RAP1GAP2: variants seen among roughly 807,000 people sequenced by gnomAD.
RAP1GAP2 encodes RAP1 GTPase activating protein 2.
A neutral mutation model predicts 95.0 loss-of-function variants in RAP1GAP2; 27 were observed. The ratio of observed to expected loss-of-function variants is 0.28; its 90% CI spans 0.21 to 0.39. The LOEUF (loss-of-function observed/expected upper bound fraction) is 0.39. RAP1GAP2 is among the 10% of genes least tolerant of loss of function. The pLI, the probability that RAP1GAP2 is intolerant of heterozygous loss-of-function variation, is 1.00. For synonymous variants in RAP1GAP2, 373 were observed against 380.9 expected (o/e 0.98, Z 0.24); for missense variants, 771 against 970.0 (o/e 0.79, Z 2.72).
chr17:2,845,481 G>C (rs2071543525), intron 2 of RAP1GAP2, among the ~76,000 whole-genome samples: 1 of 152,172 alleles, frequency 6.6e-6, no homozygotes, highest in Middle Eastern at 3.2e-3. Flanking sequence ...CTTCCATCCT[G>C]ATATAGAACA....
chr17:3,029,256 T>C lies in RAP1GAP2; in HGVS notation c.2108-1666T>C, dbSNP rs2047218985. Among the ~76,000 whole-genome samples, 2 of 152,216 alleles carry C rather than the reference T, an allele frequency of 1.3e-5. No individual in the cohort carries two copies. The highest frequency in any genetic ancestry group is 1.3e-4 in the Admixed American group (2 of 15,284). The stretch of plus-strand genomic sequence containing the variant: ...AAAGGAATTAGAGAGTCTCTGCAGG[T>C]TGCTGAAGGTCACCGAGGGCGGAAG... On this transcript the variant is annotated intron_variant, in intron 22 of 24. Transcript: ENST00000254695. This position sits in a 1 kb window ranked among gnomAD's most constrained non-coding sequence, Gnocchi z 4.4.
At chr17:2,800,404 A>G in intron 1 of RAP1GAP2, 111 bp from the exon 2 acceptor site, 1 of 1,418,156 alleles carries the variant, frequency 7.1e-7, no homozygotes, top group Middle Eastern at 1.8e-4. Flanking sequence ...AGTCCCTGAC[A>G]GAGCCCTGCT....
chr17:2,965,733 A>C lies in RAP1GAP2; in HGVS notation c.596+90A>C, dbSNP rs1412854870. 2 of 963,540 alleles carry C rather than the reference A, an allele frequency of 2.1e-6. No individual in the cohort carries two copies. Among genetic ancestry groups the C allele is most frequent in the African/African-American group, 3.2e-5 (2 of 62,080 alleles). 59.7% of individuals were successfully genotyped at this position (963,540 alleles called of 1,614,324 possible). ...GGCTGGGATGGGACTCAGAAATACC[A>C]GACTGACCAGTCTGGTCTGGGTGCA... On this transcript the variant is annotated intron_variant, in intron 8 of 24. Transcript: ENST00000254695. The surrounding 1 kb of genome is among the most constrained non-coding windows in gnomAD (Gnocchi z 4.7).
chr17:2,809,939 C>A (rs550786638), intron 2 of RAP1GAP2, among the ~76,000 whole-genome samples: 70 of 152,198 alleles, frequency 4.6e-4, no homozygotes, highest in African/African-American at 1.6e-3. Context: ...CCGCTGGCTC[C>A]TCTGGGGCAG....
At chr17:2,758,875 G>A (rs1321298298) in intron 1 of RAP1GAP2, among the ~76,000 whole-genome samples, 1 of 152,194 alleles carries the variant, frequency 6.6e-6, no homozygotes, top group East Asian at 1.9e-4. Flanking sequence ...TGAGGCTGGA[G>A]TGCAGTGGCG....
chr17:2,765,182 C>G (rs2068250566), intron 1 of RAP1GAP2, among the ~76,000 whole-genome samples: 1 of 152,128 alleles, frequency 6.6e-6, no homozygotes, highest in African/African-American at 2.4e-5. Context: ...TCAAAGCTGT[C>G]CTCATCCAGT....
chr17:2,899,308 G>C (rs942891473), intron 2 of RAP1GAP2, among the ~76,000 whole-genome samples: 1 of 152,090 alleles, frequency 6.6e-6, no homozygotes, highest in Non-Finnish European at 1.5e-5. Flanking sequence ...GGGAGCTTCC[G>C]CTATTCTCCT....
intron 2 of RAP1GAP2, among the ~76,000 whole-genome samples, chr17:2,818,680 T>A (rs1204207325): frequency 6.6e-6 from 1 of 152,046 alleles, no homozygotes; most frequent in African/African-American, 2.4e-5. Context: ...CTAGAAACAT[T>A]TATAGTTTTT....
intron 1 of RAP1GAP2, among the ~76,000 whole-genome samples, chr17:2,780,301 C>T (rs576257616): frequency 0.14 from 21,866 of 152,206 alleles, 1,815 homozygotes; most frequent in East Asian, 0.33. Context: ...TCCGCCCGCC[C>T]TGGCCTCCCA....
At chr17:2,935,918 C>T (rs2151421488) in intron 3 of RAP1GAP2, among the ~76,000 whole-genome samples, 1 of 152,230 alleles carries the variant, frequency 6.6e-6, no homozygotes, top group East Asian at 1.9e-4. Flanking sequence ...GGGTTTGCTC[C>T]AGCCGGGGTA....
intron 2 of RAP1GAP2, among the ~76,000 whole-genome samples, chr17:2,834,471 C>T (rs577841978): frequency 2.9e-4 from 44 of 152,254 alleles, no homozygotes; most frequent in African/African-American, 1.0e-3. Flanking sequence ...CTGTCACCTA[C>T]ACCCACCTCC....
intron 2 of RAP1GAP2, among the ~76,000 whole-genome samples, chr17:2,884,527 T>C (rs1165594185): frequency 6.6e-6 from 1 of 151,846 alleles, no homozygotes; most frequent in Non-Finnish European, 1.5e-5. Flanking sequence ...CGTGCACCAC[T>C]ATGCCTGGCT....
rs1457479174 is a variant in RAP1GAP2 at position 2,827,038 on chromosome 17, G to A, written c.80+26488G>A. ...GAGAGGAGAGAAAGAAAGAAAGAGA[G>A]AGAGAAAGAAAGAAAGAGAAAGTCC... is the stretch of plus-strand genomic sequence containing the variant. On this transcript the variant is annotated intron_variant, in intron 2 of 24. Coordinates refer to ENST00000254695, the MANE Select transcript of RAP1GAP2 (RefSeq NM_015085.5). The surrounding 1 kb of genome is among the most constrained non-coding windows in gnomAD (Gnocchi z 4.1). Among the ~76,000 whole-genome samples, 1 of 146,206 alleles carries A rather than the reference G, an allele frequency of 6.8e-6. No individual in the cohort carries two copies. Among genetic ancestry groups the A allele is most frequent in the Non-Finnish European group, 1.5e-5 (1 of 67,968 alleles).
At chr17:2,868,622 A>G (rs562960841) in intron 2 of RAP1GAP2, among the ~76,000 whole-genome samples, 74 of 149,800 alleles carry the variant, frequency 4.9e-4, no homozygotes, top group Non-Finnish European at 9.4e-4. Context: ...GGTTCAAGCT[A>G]TTCTCTTGCC....
Position 3,005,563 on chromosome 17 carries a change from T to C in RAP1GAP2, c.1272+123T>C. Reference sequence around the variant, plus strand: ...CATTAGGGAGCTCCTTTTGCAGGTTTTGGGGGGAACCTCCTTTCTTGGGGT... The same window carrying C: ...CATTAGGGAGCTCCTTTTGCAGGTTCTGGGGGGAACCTCCTTTCTTGGGGT... On this transcript the variant is annotated intron_variant, in intron 15 of 24. Coordinates refer to ENST00000254695, the MANE Select transcript of RAP1GAP2 (RefSeq NM_015085.5). This position sits in a 1 kb window ranked among gnomAD's most constrained non-coding sequence, Gnocchi z 5.2. 8.7e-7 allele frequency: 1 copy of C among 1,152,758 alleles called. No individual in the cohort carries two copies. Among genetic ancestry groups the C allele is most frequent in the Non-Finnish European group, 1.3e-6 (1 of 764,734 alleles). The allele number at this position is 1,152,758 out of a possible 1,614,324, so 71.4% of individuals were successfully genotyped here.
At chr17:2,914,814 C>T (rs1308388865) in intron 3 of RAP1GAP2, among the ~76,000 whole-genome samples, 17 of 124,322 alleles carry the variant, frequency 1.4e-4, no homozygotes, top group African/African-American at 4.4e-4. Flanking sequence ...TTTTTTGAGA[C>T]GGAGCCTTGC....
intron 8 of RAP1GAP2, among the ~76,000 whole-genome samples, chr17:2,976,922 G>A (rs540046032): frequency 4.0e-4 from 61 of 152,104 alleles, no homozygotes; most frequent in African/African-American, 1.4e-3. Flanking sequence ...ATCACCTGAG[G>A]TCAGAAGTTC....
In RAP1GAP2 at chr17:2,985,085, A is replaced by G. The variant is rs936926606; in HGVS notation, c.813+19A>G. ...CAGGCAGGTAAGCAGCACCATCCAT[A>G]CCGGTGACTGTATCCCGTGGTTTCT... On this transcript the variant is annotated intron_variant, in intron 11 of 24. Transcript: ENST00000254695. 1.2e-6 allele frequency: 2 copies of G among 1,613,422 alleles called. No individual in the cohort carries two copies. The highest frequency in any genetic ancestry group is 2.7e-5 in the African/African-American group (2 of 74,852).
chr17:2,995,649 G>A (rs370722916), intron 13 of RAP1GAP2, among the ~76,000 whole-genome samples, 183 bp downstream of exon 13: 4 of 152,310 alleles, frequency 2.6e-5, no homozygotes, highest in East Asian at 1.9e-4. Context: ...GTGCCTCAGC[G>A]GTCCGTTCTG....
Sources: allele counts gnomAD v4.1 joint callset (sites outside exome capture counted in the v4.1 genomes callset), GRCh38; gene constraint gnomAD v4.1.1; non-coding constraint Gnocchi (gnomAD v3.1); transcripts MANE v1.5; gene names NCBI Gene and HGNC (gene_info 2026-07-23, HGNC 2026-07-21).